DNAH7: variants seen among roughly 807,000 people sequenced by gnomAD.
DNAH7 encodes dynein axonemal heavy chain 7, also known as axonemal beta dynein heavy chain 7.
A neutral mutation model predicts 444.6 loss-of-function variants in DNAH7; 397 were observed. The ratio of observed to expected loss-of-function variants is 0.89; its 90% CI spans 0.82 to 0.97. The LOEUF (loss-of-function observed/expected upper bound fraction) is 0.97. DNAH7 is among the 50% of genes least tolerant of loss of function. The pLI is 0.00. For synonymous variants in DNAH7, 1,636 were observed against 1,624.4 expected (o/e 1.01, Z -0.17); for missense variants, 4,902 against 4,800.8 (o/e 1.02, Z -0.62).
chr2:195,896,523 T>C (rs1490261261), intron 29 of DNAH7, among the ~76,000 whole-genome samples: 1 of 152,216 alleles, frequency 6.6e-6, no homozygotes. Context: ...AGTTAAAAAG[T>C]TGGAGTCCTG....
chr2:195,936,329 G>A (rs1308667964), intron 20 of DNAH7, among the ~76,000 whole-genome samples: 4 of 152,022 alleles, frequency 2.6e-5, no homozygotes, highest in East Asian at 1.9e-4. Flanking sequence ...AGCCAAGGTC[G>A]CGCCATTGCA....
At chr2:195,979,501 C>G (rs1692420056) in intron 15 of DNAH7, among the ~76,000 whole-genome samples, 4 of 151,932 alleles carry the variant, frequency 2.6e-5, no homozygotes. Flanking sequence ...TTTATAGCTA[C>G]AAGTGGCTAA....
At position 196,019,276 on chromosome 2, in the gene DNAH7, GT is replaced by G; in HGVS notation, c.762del (p.Lys254AsnfsTer8). On this transcript the variant is annotated frameshift_variant, in exon 9 of 65. Coordinates refer to ENST00000312428, the MANE Select transcript of DNAH7 (RefSeq NM_018897.3). LOFTEE classifies it high-confidence loss of function. ...AHRAEMEILP[K>X]PWRKSFLAAS... is the part of the protein sequence containing the mutation. ...GCAGCTAAAAAAGATTTCCTCCAAG[GT>G]TTTGGCAGAATTTCCATTCTGAAAA... 1 of 1,487,232 alleles carries G rather than the reference GT, an allele frequency of 6.7e-7. No individual in the cohort carries two copies. The allele number at this position is 1,487,232 out of a possible 1,614,324, so 92.1% of individuals were successfully genotyped here. A position where few individuals can be genotyped will look rare whatever the true frequency, so the allele number is the denominator to read the frequency against.
intron 49 of DNAH7, among the ~76,000 whole-genome samples, chr2:195,819,246 G>T (rs940373512): frequency 5.3e-5 from 8 of 152,104 alleles, no homozygotes; most frequent in African/African-American, 1.9e-4. Context: ...CCTCATAGGG[G>T]TCTTAACTCA....
intron 61 of DNAH7, among the ~76,000 whole-genome samples, 163 bp downstream of exon 61, chr2:195,771,497 G>A (rs1436153195): frequency 6.6e-6 from 1 of 152,060 alleles, no homozygotes; most frequent in Admixed American, 6.5e-5. Flanking sequence ...CTCACTCCCA[G>A]AATTCTATAA....
At chr2:195,868,108 T>C (rs1033654247) in intron 40 of DNAH7, among the ~76,000 whole-genome samples, 220 of 144,874 alleles carry the variant, frequency 1.5e-3, no homozygotes, top group African/African-American at 5.5e-3. Context: ...TTTTTTTTTT[T>C]TTTTTGAGAC....
intron 55 of DNAH7, among the ~76,000 whole-genome samples, chr2:195,797,276 G>A (rs994177831): frequency 2.4e-4 from 36 of 152,222 alleles, no homozygotes; most frequent in Middle Eastern, 6.8e-3. Context: ...ATTCTAATTC[G>A]TCCCTGGCTT....
intron 46 of DNAH7, among the ~76,000 whole-genome samples, chr2:195,849,739 C>A (rs1699234648): frequency 6.6e-6 from 1 of 151,990 alleles, no homozygotes; most frequent in South Asian, 2.1e-4. Context: ...AGGACTGGGA[C>A]TACAGGCACA....
intron 21 of DNAH7, among the ~76,000 whole-genome samples, chr2:195,932,419 C>G (rs879207624): frequency 1.3e-5 from 2 of 152,058 alleles, no homozygotes; most frequent in Non-Finnish European, 2.9e-5. Context: ...TGTCCTTATG[C>G]CTGATTGCCC....
At chr2:195,992,834 C>T (rs879385879) in intron 12 of DNAH7, among the ~76,000 whole-genome samples, 2 of 152,184 alleles carry the variant, frequency 1.3e-5, no homozygotes, top group East Asian at 1.9e-4. Context: ...AAGAGTAAAG[C>T]GGGAAATGCC....
intron 63 of DNAH7, among the ~76,000 whole-genome samples, chr2:195,743,386 C>T (rs1693169751): frequency 6.6e-6 from 1 of 152,198 alleles, no homozygotes; most frequent in African/African-American, 2.4e-5. Flanking sequence ...AGTTCTGTCC[C>T]TCTAGAGAAC....
chr2:196,028,848 G>C (rs1489541219), intron 5 of DNAH7, among the ~76,000 whole-genome samples: 2 of 152,156 alleles, frequency 1.3e-5, no homozygotes, highest in East Asian at 3.9e-4. Context: ...GAGGTTCATT[G>C]AGTATATCTG....
At chr2:195,828,092 T>C (rs1368880609) in intron 48 of DNAH7, among the ~76,000 whole-genome samples, 1 of 152,182 alleles carries the variant, frequency 6.6e-6, no homozygotes, top group Non-Finnish European at 1.5e-5. Flanking sequence ...CTAGACATCA[T>C]AAAACTTCAG....
chr2:195,940,405 A>T (rs961050971), intron 19 of DNAH7, among the ~76,000 whole-genome samples: 3 of 152,234 alleles, frequency 2.0e-5, no homozygotes, highest in African/African-American at 7.2e-5. Flanking sequence ...TGTAAAACTT[A>T]AAACCATAAA....
At chr2:195,806,979 A>G (rs1359587709) in intron 53 of DNAH7, 147 bp from the exon 54 acceptor site, 2 of 564,138 alleles carry the variant, frequency 3.5e-6, no homozygotes, top group African/African-American at 3.8e-5. Context: ...GGGACATTAT[A>G]AAATAAATAA....
intron 15 of DNAH7, among the ~76,000 whole-genome samples, chr2:195,981,068 GATA>G (rs1224483170): frequency 1.3e-5 from 2 of 152,064 alleles, no homozygotes; most frequent in Admixed American, 1.3e-4. Context: ...CTCGTTTGCA[GATA>G]ATATATTATA....
chr2:196,068,612 C>A, intron 1 of DNAH7, 85 bp downstream of exon 1: 1 of 1,532,840 alleles, frequency 6.5e-7, no homozygotes, highest in Non-Finnish European at 8.8e-7. Flanking sequence ...GGGGAGTTCG[C>A]TAGGCAGGAG....
At chr2:195,908,831 AG>A (rs1238573730) in intron 25 of DNAH7, among the ~76,000 whole-genome samples, 1 of 152,146 alleles carries the variant, frequency 6.6e-6, no homozygotes, top group Non-Finnish European at 1.5e-5. Flanking sequence ...AGCTTTTAAA[AG>A]TTCTAATTCT....
chr2:195,878,412 G>A (rs990613547), intron 36 of DNAH7, among the ~76,000 whole-genome samples: 3 of 151,918 alleles, frequency 2.0e-5, no homozygotes, highest in Admixed American at 2.0e-4. Flanking sequence ...TTGGAGATCA[G>A]CCTCGGCCAC....
Sources: gnomAD v4.1 joint callset for allele counts (sites outside exome capture counted in the v4.1 genomes callset) on GRCh38, gnomAD v4.1.1 for gene constraint, MANE v1.5 for transcripts, NCBI Gene and HGNC (gene_info 2026-07-23, HGNC 2026-07-21) for gene names.